The following AMOT variants were observed in gnomAD, a reference collection of about 807,000 sequenced individuals.
The protein encoded by AMOT is angiomotin.
A neutral mutation model predicts 67.0 loss-of-function variants in AMOT; 11 were observed. The observed-to-expected ratio is 0.16, with a 90% CI of 0.10 to 0.27. The LOEUF (loss-of-function observed/expected upper bound fraction) is 0.27, where lower values mean the gene tolerates loss of function less well. Ranked by LOEUF, AMOT falls within the 10% of genes least tolerant of loss-of-function variation. AMOT has a pLI of 1.00. For synonymous variants in AMOT, 326 were observed against 321.4 expected (o/e 1.01, Z -0.15); for missense variants, 753 against 852.0 (o/e 0.88, Z 1.45).
chrX:112,815,986 C>A (rs1322307974), intron 4 of AMOT, 109 bp from the exon 5 acceptor site: 2 of 1,033,969 alleles, frequency 1.9e-6, no homozygotes, highest in Non-Finnish European at 2.5e-6. Flanking sequence ...AGGACACCTG[C>A]AAAATGAAGA....
chrX:112,781,818 C>A (rs953056677), intron 11 of AMOT, among the ~76,000 whole-genome samples: 2 of 111,772 alleles, frequency 1.8e-5, no homozygotes, highest in Non-Finnish European at 3.8e-5. Flanking sequence ...CGACAACCTG[C>A]AGGTAGTAAG....
chrX:112,800,739 GA>G (rs200190681), intron 8 of AMOT, among the ~76,000 whole-genome samples: 5,089 of 111,549 alleles, frequency 0.046, 290 homozygotes, highest in African/African-American at 0.16. Context: ...TAGCCCTTAA[GA>G]ACAATGGTGG....
At chrX:112,810,173 G>A (rs149381588) in intron 6 of AMOT, among the ~76,000 whole-genome samples, 187 bp from the exon 7 acceptor site, 1 of 111,450 alleles carries the variant, frequency 9.0e-6, no homozygotes, top group Admixed American at 9.5e-5. Flanking sequence ...GGGAGGAGGA[G>A]GTAAGTATTT....
At chrX:112,805,636 G>A (rs1175184552) in intron 7 of AMOT, among the ~76,000 whole-genome samples, 8 of 111,537 alleles carry the variant, frequency 7.2e-5, no homozygotes, top group Admixed American at 1.9e-4. Context: ...AAGTCTACTC[G>A]ACAACATGTC....
At chrX:112,814,295 A>G (rs1934470795) in intron 5 of AMOT, among the ~76,000 whole-genome samples, 1 of 110,639 alleles carries the variant, frequency 9.0e-6, no homozygotes, top group Non-Finnish European at 1.9e-5. Flanking sequence ...AAAGAAAGAA[A>G]GAAAAAAAAT....
intron 8 of AMOT, among the ~76,000 whole-genome samples, chrX:112,797,702 A>T (rs1726183926): frequency 9.0e-6 from 1 of 110,842 alleles, no homozygotes; most frequent in Non-Finnish European, 1.9e-5. Context: ...AATCACTTGA[A>T]CCCAGGAGGC....
Position 112,788,863 on chromosome X carries a change from A to G in AMOT, c.2117+1729T>C, listed in dbSNP as rs181501351. Among the ~76,000 whole-genome samples the G allele has an allele frequency of 4.2e-4, 47 of 112,855 alleles. 3 individuals carry two copies. In the East Asian group the frequency reaches 4.7e-3, roughly 11 times the overall value. Reference sequence around the variant, plus strand: ...GATGAAAAGTTTCTACGTGATGATTAAAATGAATTCAATTTAAATTAAATC... The same window carrying G: ...GATGAAAAGTTTCTACGTGATGATTGAAATGAATTCAATTTAAATTAAATC... On this transcript the variant is annotated intron_variant, in intron 10 of 13. Transcript: ENST00000371959.
At chrX:112,778,723 G>A in intron 13 of AMOT, 59 bp from the exon 14 acceptor site, 1 of 1,027,007 alleles carries the variant, frequency 9.7e-7, no homozygotes, top group African/African-American at 1.9e-5. Flanking sequence ...CATATTTCTA[G>A]AACCAGACAC....
rs112514431 is a variant in AMOT at position 112,783,981 on chromosome X, A to G, written c.2118-1319T>C. ...AAAGAGGCAGAAAGTTGCTATTAAG[A>G]TTGGGGATTTTGGTGAGCCTCTATA... On this transcript the variant is annotated intron_variant, in intron 10 of 13. Transcript: ENST00000371959. Among the ~76,000 whole-genome samples the G allele has an allele frequency of 6.0e-3, 668 of 111,162 alleles. 6 individuals carry two copies. Among genetic ancestry groups the G allele is most frequent in the African/African-American group, 0.021 (630 of 30,559 alleles).
At chrX:112,787,389 T>C (rs1933399412) in intron 10 of AMOT, among the ~76,000 whole-genome samples, 1 of 112,112 alleles carries the variant, frequency 8.9e-6, no homozygotes, top group South Asian at 3.7e-4. Flanking sequence ...AAAATCATTG[T>C]GTTGAGTGCA....
intron 11 of AMOT, among the ~76,000 whole-genome samples, chrX:112,781,514 C>T (rs1293305475): frequency 9.3e-6 from 1 of 107,908 alleles, no homozygotes; most frequent in East Asian, 2.9e-4. Flanking sequence ...TACATGACTA[C>T]GTGGAGCTCC....
intron 4 of AMOT, among the ~76,000 whole-genome samples, chrX:112,816,582 C>CA (rs1263167827): frequency 8.9e-6 from 1 of 111,740 alleles, no homozygotes; most frequent in Non-Finnish European, 1.9e-5. Flanking sequence ...TAATGAATCG[C>CA]AAAATGTAAG....
Position 112,822,361 on chromosome X carries a change from G to C in AMOT, c.766C>G (p.Pro256Ala). The change falls in exon 4 of 14, where the codon CCC becomes GCC. Residue 256 changes from proline to alanine, a missense_variant. Around this residue, in one of 5 missense-constraint regions of AMOT, gnomAD observed 297 missense variants for 284.3 expected, o/e 1.04. Transcript: ENST00000371959. Reference sequence around the variant, plus strand: ...CTATAGAAGTGCCCTGGCTCTTGGGGCTTGCACACTACAGATTGGGGTGGC... The same window carrying C: ...CTATAGAAGTGCCCTGGCTCTTGGGCCTTGCACACTACAGATTGGGGTGGC... The part of the protein sequence containing the change: ...GMPPQSVVCK[P>A]QEPGHFYSEH... 8.6e-7 allele frequency: 1 copy of C among 1,164,342 alleles called. No homozygotes were observed. The highest frequency in any genetic ancestry group is 1.1e-6 in the Non-Finnish European group (1 of 871,179).
intron 8 of AMOT, 83 bp downstream of exon 8, chrX:112,804,864 A>C (rs1460329026): frequency 1.4e-5 from 16 of 1,158,143 alleles, no homozygotes; most frequent in Middle Eastern, 3.3e-4. Flanking sequence ...GCAGCTGCCA[A>C]TTCACCACAA....
At chrX:112,791,507 C>T (rs778522076) in intron 9 of AMOT, among the ~76,000 whole-genome samples, 10 of 112,302 alleles carry the variant, frequency 8.9e-5, no homozygotes, top group African/African-American at 3.2e-4. Flanking sequence ...TTTCTGAAGA[C>T]CATTTCTAGT....
At position 112,823,108 on chromosome X, in the gene AMOT, GTTC is replaced by G; in HGVS notation, c.16_18del (p.Glu6del). 1 of 1,158,215 alleles carries G rather than the reference GTTC, an allele frequency of 8.6e-7. No individual in the cohort carries two copies. The highest frequency in any genetic ancestry group is 2.0e-5 in the South Asian group (1 of 51,071). On this transcript the variant is annotated inframe_deletion, in exon 4 of 14. Transcript: ENST00000371959. Reference sequence around the variant, plus strand: ...AATACCGTGGTCCCTCCACTTGGCTGTTCTTCAGAATTTCTCATCTCTATTGCT... The same window carrying G: ...AATACCGTGGTCCCTCCACTTGGCTGTTCAGAATTTCTCATCTCTATTGCT...
At chrX:112,794,950 A>G (rs1933748593) in intron 8 of AMOT, among the ~76,000 whole-genome samples, 2 of 111,374 alleles carry the variant, frequency 1.8e-5, no homozygotes, top group African/African-American at 6.5e-5. Context: ...GACAATGCAA[A>G]TATAGCCATT....
At chrX:112,800,805 G>C (rs1313951000) in intron 8 of AMOT, among the ~76,000 whole-genome samples, 1 of 112,001 alleles carries the variant, frequency 8.9e-6, no homozygotes. Flanking sequence ...GAATTGCAAT[G>C]GGACTCCAGA....
chrX:112,834,684 G>A (rs1253032963), intron 1 of AMOT, among the ~76,000 whole-genome samples: 1 of 112,822 alleles, frequency 8.9e-6, no homozygotes, highest in Non-Finnish European at 1.9e-5. Flanking sequence ...TCAGTTACTG[G>A]CTATCATCAG....
Sources: allele counts gnomAD v4.1 joint callset (sites outside exome capture counted in the v4.1 genomes callset), GRCh38; gene constraint gnomAD v4.1.1; regional missense constraint gnomAD v4.1.1; transcripts MANE v1.5; gene names NCBI Gene and HGNC (gene_info 2026-07-23, HGNC 2026-07-21).